RNF130: variants seen among roughly 807,000 people sequenced by gnomAD.
The protein encoded by RNF130 is ring finger protein 130, also known as E3 ubiquitin-protein ligase RNF130.
RNF130 carries 21 observed loss-of-function variants against 44.6 expected under a neutral mutation model. The ratio of observed to expected loss-of-function variants is 0.47; its 90% CI spans 0.33 to 0.68. The LOEUF is 0.68. RNF130 is among the 30% of genes least tolerant of loss of function. RNF130 has a pLI of 0.02. For synonymous variants in RNF130, 214 were observed against 210.4 expected (o/e 1.02, Z -0.15); for missense variants, 479 against 560.6 (o/e 0.85, Z 1.47).
chr5:180,050,891 C>T (rs561210515), intron 1 of RNF130, among the ~76,000 whole-genome samples: 2 of 152,250 alleles, frequency 1.3e-5, no homozygotes, highest in African/African-American at 4.8e-5. Flanking sequence ...CACTGCTCAA[C>T]TTCCTGGGCT....
At chr5:180,028,250 G>A (rs1764037637) in intron 2 of RNF130, among the ~76,000 whole-genome samples, 1 of 152,014 alleles carries the variant, frequency 6.6e-6, no homozygotes, top group African/African-American at 2.4e-5. Flanking sequence ...TCATGACTTC[G>A]TACTCAATGT....
At position 179,993,187 on chromosome 5, in the gene RNF130, G is replaced by A. The variant is rs188286213; in HGVS notation, c.694-12987C>T. On this transcript the variant is annotated intron_variant, in intron 3 of 8. Coordinates refer to ENST00000521389, the MANE Select transcript of RNF130 (RefSeq NM_018434.6). ...GTGAATAGTGACGCAATAAACATAC[G>A]TGTGCATGTGTCTTTATAGCAGCAC... 3.0e-4 allele frequency among the ~76,000 whole-genome samples: 45 copies of A among 152,276 alleles called. 2 individuals carry two copies. In the East Asian group the frequency reaches 8.1e-3, roughly 27 times the overall value.
chr5:179,992,600 G>A (rs1044346603), intron 3 of RNF130, among the ~76,000 whole-genome samples: 6 of 151,772 alleles, frequency 4.0e-5, no homozygotes, highest in Non-Finnish European at 8.8e-5. Context: ...TTTTTGGGGG[G>A]GTGTCATATT....
rs1044479279 is a variant in RNF130 at position 179,961,468 on chromosome 5, G to A, written c.1244+2003C>T. Among the ~76,000 whole-genome samples the A allele has an allele frequency of 1.1e-4, 17 of 152,136 alleles. 1 individual carries two copies. The highest frequency in any genetic ancestry group is 3.3e-4 in the Admixed American group (5 of 15,270). On this transcript the variant is annotated intron_variant, in intron 8 of 8. Coordinates refer to ENST00000521389, the MANE Select transcript of RNF130 (RefSeq NM_018434.6). The stretch of plus-strand genomic sequence containing the variant: ...TTTAGGCATGGAACTAAAATATTAC[G>A]GCCCACATACTATGATTTCTAATAG...
chr5:180,007,699 C>T (rs1046694597), intron 3 of RNF130, among the ~76,000 whole-genome samples: 2 of 152,192 alleles, frequency 1.3e-5, no homozygotes, highest in African/African-American at 4.8e-5. Flanking sequence ...TGCAGTCAGC[C>T]GCAAAATAAA....
intron 5 of RNF130, among the ~76,000 whole-genome samples, chr5:179,973,795 A>G (rs975892759): frequency 6.6e-6 from 1 of 152,170 alleles, no homozygotes; most frequent in Admixed American, 6.5e-5. Flanking sequence ...CCCGCCACAC[A>G]CAGGGTGGGT....
intron 3 of RNF130, among the ~76,000 whole-genome samples, chr5:180,008,777 G>C (rs570935969): frequency 6.6e-6 from 1 of 152,004 alleles, no homozygotes; most frequent in East Asian, 1.9e-4. Flanking sequence ...GCAGCTACTC[G>C]GGAGGCAGAG....
intron 6 of RNF130, among the ~76,000 whole-genome samples, chr5:179,969,092 A>G (rs996094578): frequency 6.6e-6 from 1 of 152,226 alleles, no homozygotes; most frequent in African/African-American, 2.4e-5. Context: ...TGTTGGATCA[A>G]ACTAAACTTT....
intron 8 of RNF130, among the ~76,000 whole-genome samples, chr5:179,957,310 G>C (rs1762232849): frequency 6.6e-6 from 1 of 152,162 alleles, no homozygotes; most frequent in Non-Finnish European, 1.5e-5. Flanking sequence ...TACTCGGGAA[G>C]CTGAGACAGA....
chr5:180,007,858 G>A (rs1233957336), intron 3 of RNF130, among the ~76,000 whole-genome samples: 2 of 152,090 alleles, frequency 1.3e-5, no homozygotes, highest in Non-Finnish European at 2.9e-5. Context: ...TTGTTCCAAC[G>A]TCCTCAGGGT....
intron 2 of RNF130, chr5:180,015,479 GGGAAAGGAGTA>G (rs1393454472): frequency 0.012 from 3,767 of 320,972 alleles, 208 homozygotes; most frequent in African/African-American, 0.083. Context: ...GAAAGGAGTA[GGGAAAGGAGTA>G]GGAAAGGAGT....
At chr5:180,030,631 C>T (rs1764111729) in intron 2 of RNF130, among the ~76,000 whole-genome samples, 1 of 152,258 alleles carries the variant, frequency 6.6e-6, no homozygotes. Flanking sequence ...CCTCAGTCTC[C>T]GATGTAGCTG....
intron 7 of RNF130, among the ~76,000 whole-genome samples, chr5:179,937,970 G>A (rs1469402288): frequency 6.9e-6 from 1 of 145,564 alleles, no homozygotes; most frequent in Admixed American, 6.8e-5. Flanking sequence ...GAGAGAGAGA[G>A]ACAGAGACAG....
chr5:180,003,683 C>T (rs944692612), intron 3 of RNF130, among the ~76,000 whole-genome samples: 7 of 147,130 alleles, frequency 4.8e-5, no homozygotes, highest in African/African-American at 1.7e-4. Flanking sequence ...TGTCTAAAAG[C>T]CACTATTTTT....
exon 8 of RNF130, chr5:179,914,393 T>C (rs1485512625): frequency 6.6e-6 from 1 of 152,272 alleles, no homozygotes; most frequent in Non-Finnish European, 1.5e-5. Flanking sequence ...ACAGCCTTTC[T>C]TGAAGAAGGA....
chr5:179,930,211 C>T (rs567338385), intron 7 of RNF130, among the ~76,000 whole-genome samples: 2 of 152,212 alleles, frequency 1.3e-5, no homozygotes, highest in East Asian at 1.9e-4. Flanking sequence ...GCATCTGCCA[C>T]CACACCCGGC....
intron 7 of RNF130, among the ~76,000 whole-genome samples, chr5:179,937,225 C>T (rs962405117): frequency 1.3e-5 from 1 of 79,902 alleles, no homozygotes; most frequent in Non-Finnish European, 2.5e-5. Flanking sequence ...AAACGAAAGA[C>T]TTGTGCTTTG....
At chr5:180,010,015 A>T (rs1278199476) in intron 3 of RNF130, among the ~76,000 whole-genome samples, 2 of 152,128 alleles carry the variant, frequency 1.3e-5, no homozygotes, top group East Asian at 3.9e-4. Context: ...TGGGAGGCTG[A>T]GGTGGGCGGA....
downstream of RNF130, among the ~76,000 whole-genome samples, chr5:179,950,963 G>A (rs76560434): frequency 4.1e-3 from 631 of 152,192 alleles, no homozygotes; most frequent in Non-Finnish European, 5.7e-3. Flanking sequence ...ATGAATCTAC[G>A]AAATACCACC....
Sources: gnomAD v4.1 joint callset for allele counts (sites outside exome capture counted in the v4.1 genomes callset) on GRCh38, gnomAD v4.1.1 for gene constraint, MANE v1.5 for transcripts, NCBI Gene and HGNC (gene_info 2026-07-23, HGNC 2026-07-21) for gene names.